Variants in LTBP1 observed in about 807,000 individuals in gnomAD.
LTBP1 encodes latent transforming growth factor beta binding protein 1.
LTBP1 carries 129 observed loss-of-function variants against 207.6 expected under a neutral mutation model. That is an observed-to-expected ratio of 0.62 (90% confidence interval 0.54 to 0.72). LTBP1 has a LOEUF of 0.72. LTBP1 is among the 30% of genes least tolerant of loss of function. The probability of loss-of-function intolerance (pLI) is 0.00; values close to 1 mark genes in which losing one functional copy is unlikely to be tolerated. For synonymous variants in LTBP1, 963 were observed against 833.7 expected, an observed-to-expected ratio of 1.16 and a Z score of -2.67; for missense variants, 2,281 against 2,217.2, an observed-to-expected ratio of 1.03 and a Z score of -0.58.
chr2:33,149,746 A>C (rs77101693), intron 5 of LTBP1, among the ~76,000 whole-genome samples: 2,315 of 152,166 alleles, frequency 0.015, 23 homozygotes, highest in East Asian at 0.027. Flanking sequence ...TTTTTTTTGC[A>C]CGTCTCAGAA....
chr2:33,351,696 C>G (rs73925700), intron 26 of LTBP1, among the ~76,000 whole-genome samples: 289 of 152,254 alleles, frequency 1.9e-3, no homozygotes, highest in African/African-American at 6.3e-3. Flanking sequence ...AGTCTCATCC[C>G]AGAGTCGTCT....
At chr2:33,004,462 C>T (rs564299600) in intron 2 of LTBP1, among the ~76,000 whole-genome samples, 61 of 151,856 alleles carry the variant, frequency 4.0e-4, no homozygotes, top group African/African-American at 1.4e-3. Context: ...ATTCCCTTAA[C>T]GTATATAAGT....
Position 33,257,277 on chromosome 2 carries a change from A to G in LTBP1, c.2168-7A>G. 1 of 1,609,092 alleles carries G rather than the reference A, an allele frequency of 6.2e-7. No homozygotes were observed. The highest frequency in any genetic ancestry group is 1.3e-5 in the African/African-American group (1 of 74,958). On this transcript the variant is annotated splice_region_variant and splice_polypyrimidine_tract_variant and intron_variant, in intron 11 of 33. Coordinates refer to ENST00000404816, the MANE Select transcript of LTBP1 (RefSeq NM_206943.4). ...TTAAAAGGAATATTTTCCCATCCCA[A>G]ATCTAGCTGCTTTTAAGGAAATCTG... is the stretch of plus-strand genomic sequence containing the variant.
chr2:33,257,029 A>C (rs2092881315), intron 11 of LTBP1, among the ~76,000 whole-genome samples: 1 of 151,468 alleles, frequency 6.6e-6, no homozygotes, highest in Non-Finnish European at 1.5e-5. Context: ...TAATATGTAT[A>C]TTCTGATTTG....
At chr2:33,257,177 A>T in intron 11 of LTBP1, 107 bp from the exon 12 acceptor site, 2 of 751,644 alleles carry the variant, frequency 2.7e-6, no homozygotes, top group South Asian at 2.6e-5. Flanking sequence ...TTAAAATGTA[A>T]CTACATTAGT....
intron 15 of LTBP1, among the ~76,000 whole-genome samples, chr2:33,268,584 A>C (rs772508993): frequency 1.3e-5 from 2 of 152,252 alleles, no homozygotes; most frequent in Non-Finnish European, 2.9e-5. Context: ...CATTATTGGC[A>C]TACCATTTTC....
At chr2:33,062,226 TACAC>T (rs57376478) in intron 3 of LTBP1, among the ~76,000 whole-genome samples, 11 of 150,896 alleles carry the variant, frequency 7.3e-5, no homozygotes, top group Admixed American at 2.6e-4. Flanking sequence ...CTCTGTCTCA[TACAC>T]ACACACACAC....
At chr2:33,018,572 TG>T (rs1220602161) in intron 2 of LTBP1, among the ~76,000 whole-genome samples, 4 of 152,140 alleles carry the variant, frequency 2.6e-5, no homozygotes, top group Non-Finnish European at 5.9e-5. Flanking sequence ...CCCATTCCTG[TG>T]ACATTCCAGA....
chr2:33,037,737 A>C (rs981254013), intron 3 of LTBP1, among the ~76,000 whole-genome samples: 9 of 152,154 alleles, frequency 5.9e-5, no homozygotes, highest in African/African-American at 2.2e-4. Context: ...TATTTTTTTG[A>C]GAAAAGGCCT....
At chr2:33,284,135 G>A (rs557946289) in intron 19 of LTBP1, among the ~76,000 whole-genome samples, 13 of 152,178 alleles carry the variant, frequency 8.5e-5, no homozygotes, top group Middle Eastern at 3.4e-3. Context: ...ACCGTTAATG[G>A]CCTCTTTGTA....
At chr2:33,169,289 C>T (rs2085214994) in intron 5 of LTBP1, among the ~76,000 whole-genome samples, 1 of 152,164 alleles carries the variant, frequency 6.6e-6, no homozygotes, top group East Asian at 1.9e-4. Context: ...TTCCTAACTC[C>T]ACCCGAAACT....
At chr2:33,246,289 G>A (rs1282173076) in intron 10 of LTBP1, among the ~76,000 whole-genome samples, 6 of 152,132 alleles carry the variant, frequency 3.9e-5, no homozygotes, top group Non-Finnish European at 7.3e-5. Context: ...TAGGATTTGC[G>A]ATTTGAACCA....
At chr2:33,061,032 G>A (rs778329673) in intron 3 of LTBP1, among the ~76,000 whole-genome samples, 2 of 152,122 alleles carry the variant, frequency 1.3e-5, no homozygotes, top group Admixed American at 1.3e-4. Context: ...GTAGAAACTG[G>A]AGTTGGTAGG....
intron 2 of LTBP1, among the ~76,000 whole-genome samples, chr2:32,987,045 G>T (rs1270614008): frequency 6.6e-6 from 1 of 152,126 alleles, no homozygotes; most frequent in African/African-American, 2.4e-5. Flanking sequence ...TATGGACTGT[G>T]GGTGCATTGT....
chr2:33,285,863 C>T (rs1248547374), intron 19 of LTBP1: 1 of 151,734 alleles, frequency 6.6e-6, no homozygotes, highest in Non-Finnish European at 1.5e-5. Context: ...AGATCGGGCA[C>T]GTTCAGGGTG....
chr2:33,022,265 C>G (rs922979683), intron 3 of LTBP1, among the ~76,000 whole-genome samples: 11 of 125,220 alleles, frequency 8.8e-5, no homozygotes, highest in Middle Eastern at 4.4e-3. Flanking sequence ...CCTCAATCCT[C>G]TTTTTTTTTT....
intron 2 of LTBP1, among the ~76,000 whole-genome samples, chr2:32,971,182 G>C (rs1473400347): frequency 6.6e-6 from 1 of 152,054 alleles, no homozygotes; most frequent in African/African-American, 2.4e-5. Flanking sequence ...TCACATCTAG[G>C]AGTTTTTGGG....
intron 3 of LTBP1, among the ~76,000 whole-genome samples, chr2:33,094,786 C>T (rs141687437): frequency 1.8e-3 from 272 of 152,316 alleles, no homozygotes; most frequent in African/African-American, 6.2e-3. Context: ...TTGCACTGCA[C>T]ATGGTTATAA....
intron 3 of LTBP1, among the ~76,000 whole-genome samples, chr2:33,056,824 C>T (rs912023984): frequency 7.9e-5 from 12 of 151,954 alleles, no homozygotes; most frequent in African/African-American, 9.7e-5. Flanking sequence ...GAAGGGGACC[C>T]GGACGGGTTG....
Sources: gnomAD v4.1 joint callset for allele counts (sites outside exome capture counted in the v4.1 genomes callset) on GRCh38, gnomAD v4.1.1 for gene constraint, MANE v1.5 for transcripts, NCBI Gene and HGNC (gene_info 2026-07-23, HGNC 2026-07-21) for gene names.